Variants in GNB4 observed in about 807,000 individuals in gnomAD.
The protein encoded by GNB4 is guanine nucleotide-binding protein subunit beta-4.
In GNB4, 28 loss-of-function variants were observed where a neutral mutation model predicts 45.2. That is an observed-to-expected ratio of 0.62 (90% confidence interval 0.46 to 0.85). GNB4 has a LOEUF of 0.85. Among genes scored for constraint, GNB4 ranks in the 40% least tolerant of loss-of-function variants. The pLI is 0.00. For synonymous variants in GNB4, 132 were observed against 143.7 expected (o/e 0.92, Z 0.58); for missense variants, 321 against 425.4 (o/e 0.75, Z 2.16).
At chr3:179,432,735 C>A (rs899554770) in intron 1 of GNB4, among the ~76,000 whole-genome samples, 2 of 152,142 alleles carry the variant, frequency 1.3e-5, no homozygotes, top group Admixed American at 6.5e-5. Flanking sequence ...CAGAAGCATG[C>A]GTAAATTCAG....
chr3:179,498,308 G>A, the GNB4 span, among the ~76,000 whole-genome samples: 1 of 152,226 alleles, frequency 6.6e-6, no homozygotes, highest in Non-Finnish European at 1.5e-5. Context: ...GTGAGAGCAG[G>A]AATGGTCAGA....
the GNB4 span, among the ~76,000 whole-genome samples, chr3:179,495,241 T>C: frequency 2.0e-5 from 3 of 151,994 alleles, no homozygotes; most frequent in Non-Finnish European, 4.4e-5. Flanking sequence ...AAAGAGAGGC[T>C]GAGGTGGGTG....
In GNB4 at chr3:179,405,312, G is replaced by C. The variant is rs1222953811; in HGVS notation, c.794C>G (p.Ser265Cys). ...LRADQELLLY[S>C]HDNIICGITS... ...GATTCCACAGATGATATTGTCATGA[G>C]AATACAATAATAACTCTTGATCTGC... Residue 265 changes from serine to cysteine, a missense_variant, in exon 9 of 10, where the codon TCT (serine) becomes TGT (cysteine). Coordinates refer to ENST00000232564, the MANE Select transcript of GNB4 (RefSeq NM_021629.4). 6.2e-7 allele frequency: 1 copy of C among 1,613,702 alleles called. No homozygotes were observed. The highest frequency in any genetic ancestry group is 8.5e-7 in the Non-Finnish European group (1 of 1,179,736).
chr3:179,496,682 G>C, the GNB4 span, among the ~76,000 whole-genome samples: 1 of 152,072 alleles, frequency 6.6e-6, no homozygotes, highest in Non-Finnish European at 1.5e-5. Flanking sequence ...AAAGAGAGCA[G>C]GGGTAGCTAT....
chr3:179,420,886 T>A lies in GNB4; in HGVS notation c.96+3A>T, dbSNP rs754601611. 1 of 1,577,664 alleles carries A rather than the reference T, an allele frequency of 6.3e-7. No individual in the cohort carries two copies. The highest frequency in any genetic ancestry group is 8.7e-7 in the Non-Finnish European group (1 of 1,151,860). Reference sequence around the variant, plus strand: ...AATGAAATAAAGAAAAACAAAACTTTACCTGAACAAGCGTTGCATCATTAC... The same window carrying A: ...AATGAAATAAAGAAAAACAAAACTTAACCTGAACAAGCGTTGCATCATTAC... On this transcript the variant is annotated splice_donor_region_variant and intron_variant, in intron 3 of 9. Transcript: ENST00000232564.
At chr3:179,408,944 G>A (rs1417398176) in intron 8 of GNB4, among the ~76,000 whole-genome samples, 2 of 151,108 alleles carry the variant, frequency 1.3e-5, no homozygotes, top group African/African-American at 4.9e-5. Flanking sequence ...CCAGGAGTTC[G>A]AGACCAGCCT....
At chr3:179,502,444 G>A in the GNB4 span, among the ~76,000 whole-genome samples, 4 of 151,532 alleles carry the variant, frequency 2.6e-5, no homozygotes, top group African/African-American at 4.8e-5. Flanking sequence ...TGTTGGCCAC[G>A]CTGCTCTCGA....
chr3:179,522,243 C>T, the GNB4 span, among the ~76,000 whole-genome samples: 1 of 152,130 alleles, frequency 6.6e-6, no homozygotes, highest in South Asian at 2.1e-4. Flanking sequence ...GAAATTCCTT[C>T]TCCTGGCTCA....
the GNB4 span, among the ~76,000 whole-genome samples, chr3:179,508,799 C>G: frequency 1.3e-5 from 2 of 151,416 alleles, no homozygotes; most frequent in Admixed American, 1.3e-4. Flanking sequence ...GCAAAGAAAT[C>G]GTAAAATTCA....
At chr3:179,511,898 A>C in the GNB4 span, among the ~76,000 whole-genome samples, 4 of 152,228 alleles carry the variant, frequency 2.6e-5, no homozygotes, top group African/African-American at 9.6e-5. Context: ...TACACTGTCC[A>C]ATATGGTAGC....
At chr3:179,526,183 G>T in the GNB4 span, among the ~76,000 whole-genome samples, 1 of 152,128 alleles carries the variant, frequency 6.6e-6, no homozygotes, top group South Asian at 2.1e-4. Context: ...CAGTGGAGGA[G>T]TAGCTGAGCC....
At chr3:179,526,085 C>T in the GNB4 span, among the ~76,000 whole-genome samples, 435 of 152,104 alleles carry the variant, frequency 2.9e-3, 2 homozygotes, top group Non-Finnish European at 4.0e-3. Flanking sequence ...AGGGTGGGGC[C>T]GTTTTATAAG....
chr3:179,465,213 T>C, the GNB4 span: 8 of 1,370,452 alleles, frequency 5.8e-6, no homozygotes, highest in Non-Finnish European at 8.3e-6. Flanking sequence ...CTGAAGTTGG[T>C]TGGAGATGTG....
chr3:179,400,694 CT>C lies in GNB4; in HGVS notation c.*518del, dbSNP rs1463476910. The C allele has an allele frequency of 1.3e-5, 2 of 152,218 alleles. No individual in the cohort carries two copies. The highest frequency in any genetic ancestry group is 2.9e-5 in the Non-Finnish European group (2 of 68,102). The allele number at this position is 152,218 out of a possible 1,614,324, so 9.4% of individuals were successfully genotyped here. Reference sequence around the variant, plus strand: ...CTCAGAGGTGCCCCACCTGTCAATGCTCTTAAACATGAAGCTATCAGGATCT... The same window carrying C: ...CTCAGAGGTGCCCCACCTGTCAATGCCTTAAACATGAAGCTATCAGGATCT... On this transcript the variant is annotated 3_prime_UTR_variant, in exon 10 of 10. Transcript: ENST00000232564.
At chr3:179,498,159 T>G in the GNB4 span, among the ~76,000 whole-genome samples, 2 of 152,184 alleles carry the variant, frequency 1.3e-5, no homozygotes, top group African/African-American at 4.8e-5. Flanking sequence ...GGCTGATGGA[T>G]GAAAGGATAA....
At position 179,405,405 on chromosome 3, in the gene GNB4, A is replaced by T; in HGVS notation, c.701T>A (p.Phe234Tyr). ...GHVSDINAVS[F>Y]FPNGYAFATG... The stretch of plus-strand genomic sequence containing the variant: ...GGCGAAGGCATATCCATTTGGGAAA[A>T]ACTAGACAGGAAAGTAACAAACATT... Residue 234 changes from phenylalanine (F) to tyrosine (Y), a missense_variant and splice_region_variant, in exon 9 of 10, where the codon TTT (phenylalanine) becomes TAT (tyrosine). Physicochemically the swap from Phe to Tyr is conservative, Grantham distance 22. Coordinates refer to ENST00000232564, the MANE Select transcript of GNB4 (RefSeq NM_021629.4). 1 of 1,604,666 alleles carries T rather than the reference A, an allele frequency of 6.2e-7. No individual in the cohort carries two copies.
At chr3:179,525,618 A>G in the GNB4 span, among the ~76,000 whole-genome samples, 1 of 152,246 alleles carries the variant, frequency 6.6e-6, no homozygotes, top group Non-Finnish European at 1.5e-5. Context: ...GTGAATAATC[A>G]GGCAGGCGTC....
chr3:179,515,499 C>T, the GNB4 span, among the ~76,000 whole-genome samples: 12 of 149,836 alleles, frequency 8.0e-5, no homozygotes, highest in South Asian at 8.6e-4. Flanking sequence ...TGGGCAGGGG[C>T]GGGGGTCACA....
chr3:179,437,415 A>G (rs147835750), intron 1 of GNB4, among the ~76,000 whole-genome samples: 238 of 151,896 alleles, frequency 1.6e-3, no homozygotes, highest in African/African-American at 5.7e-3. Context: ...AAATACAAAA[A>G]TCAGCCGGGC....
Sources: gnomAD v4.1 joint callset for allele counts (sites outside exome capture counted in the v4.1 genomes callset) on GRCh38, gnomAD v4.1.1 for gene constraint, MANE v1.5 for transcripts, NCBI Gene and HGNC (gene_info 2026-07-23, HGNC 2026-07-21) for gene names.